Variants in ACER2 observed in about 807,000 individuals in gnomAD.
The protein encoded by ACER2 is alkCDase 2.
A neutral mutation model predicts 34.7 loss-of-function variants in ACER2; 26 were observed. The ratio of observed to expected loss-of-function variants is 0.75; its 90% confidence interval spans 0.55 to 1.04. ACER2 has a LOEUF of 1.04. ACER2 is among the 50% of genes least tolerant of loss of function. ACER2 has a pLI of 0.00. For missense variants in ACER2, 352 were observed against 340.8 expected (o/e 1.03, Z -0.26); for synonymous variants, 138 against 132.1 (o/e 1.04, Z -0.31).
intron 3 of ACER2, among the ~76,000 whole-genome samples, chr9:19,432,382 G>C (rs1452162286): frequency 6.6e-6 from 1 of 152,078 alleles, no homozygotes; most frequent in Non-Finnish European, 1.5e-5. Context: ...AGTTATACAT[G>C]TTCACTTTGT....
chr9:19,431,931 A>G (rs1830767005), intron 3 of ACER2, among the ~76,000 whole-genome samples: 1 of 152,246 alleles, frequency 6.6e-6, no homozygotes, highest in African/African-American at 2.4e-5. Flanking sequence ...GCTCTTGGCC[A>G]AAGTAAATTG....
intron 3 of ACER2, among the ~76,000 whole-genome samples, chr9:19,428,660 C>T (rs1209335893): frequency 1.3e-5 from 2 of 151,608 alleles, no homozygotes; most frequent in African/African-American, 4.8e-5. Flanking sequence ...AAGTATCTTC[C>T]TGATGGGATC....
chr9:19,442,691 A>G (rs10738537), intron 4 of ACER2, among the ~76,000 whole-genome samples: 152,400 of 152,400 alleles, frequency 1, 76,200 homozygotes, highest in Non-Finnish European at 1. Context: ...GGATGTTCAT[A>G]GATCCTCGTG....
At position 19,446,417 on chromosome 9, in the gene ACER2, T is replaced by C. The variant is rs773713290; in HGVS notation, c.640T>C (p.Trp214Arg). Residue 214 changes from tryptophan (W) to arginine (R), a missense_variant and splice_region_variant, in exon 5 of 6, where the codon TGG becomes CGG. Transcript: ENST00000340967. ...SFNFPYLHCMWHILICLAAYL... is the reference protein window; with the variant it reads ...SFNFPYLHCMRHILICLAAYL... Reference sequence around the variant, plus strand: ...CAACTTCCCCTACCTGCACTGCATGTGGTAAGCCCCTGCTAATGGGGAGGT... The same window carrying C: ...CAACTTCCCCTACCTGCACTGCATGCGGTAAGCCCCTGCTAATGGGGAGGT... 6.2e-7 allele frequency: 1 copy of C among 1,614,130 alleles called. No individual in the cohort carries two copies. The highest frequency in any genetic ancestry group is 1.7e-5 in the Admixed American group (1 of 60,014).
At chr9:19,423,822 C>G (rs773803012) in intron 1 of ACER2, 40 bp from the exon 2 acceptor site, 33 of 1,528,614 alleles carry the variant, frequency 2.2e-5, no homozygotes, top group Non-Finnish European at 2.8e-5. Flanking sequence ...GCCCTTTTTA[C>G]TTAATACTCA....
intron 1 of ACER2, among the ~76,000 whole-genome samples, chr9:19,412,531 G>A (rs1358142670): frequency 6.6e-6 from 1 of 151,804 alleles, no homozygotes; most frequent in Admixed American, 6.6e-5. Context: ...GTGCGTGCCT[G>A]TAAGTCCCCG....
At position 19,439,749 on chromosome 9, in the gene ACER2, C is replaced by T. The variant is rs528552926; in HGVS notation, c.503+4665C>T. Among the ~76,000 whole-genome samples the T allele has an allele frequency of 2.6e-5, 4 of 152,254 alleles. No individual in the cohort carries two copies. In the South Asian group the frequency reaches 6.2e-4, roughly 24 times the overall value. On this transcript the variant is annotated intron_variant, in intron 4 of 5. Transcript: ENST00000340967. ...TTGGGAGGCCGAGGAGGGTGGATCA[C>T]GAGGTCAGGAGTTCAAGACTAGCCT... is the stretch of plus-strand genomic sequence containing the variant.
chr9:19,420,798 C>T (rs1377384705), intron 1 of ACER2, among the ~76,000 whole-genome samples: 3 of 152,130 alleles, frequency 2.0e-5, no homozygotes, highest in Non-Finnish European at 4.4e-5. Flanking sequence ...GGGCTCCCTG[C>T]TTCAAAGACG....
chr9:19,428,457 C>A (rs1182465881), intron 3 of ACER2, among the ~76,000 whole-genome samples: 1 of 151,928 alleles, frequency 6.6e-6, no homozygotes, highest in African/African-American at 2.4e-5. Context: ...TATGAGCCAC[C>A]ATATCTGGCC....
chr9:19,435,353 CT>C (rs1388551631), intron 4 of ACER2, among the ~76,000 whole-genome samples: 1 of 152,270 alleles, frequency 6.6e-6, no homozygotes, highest in African/African-American at 2.4e-5. Flanking sequence ...CTAGATCAAG[CT>C]GTCTAGACTT....
At chr9:19,433,755 C>T (rs1044954473) in intron 3 of ACER2, among the ~76,000 whole-genome samples, 1 of 151,976 alleles carries the variant, frequency 6.6e-6, no homozygotes, top group Non-Finnish European at 1.5e-5. Flanking sequence ...CCCTCACCTC[C>T]CGGATGGGGC....
intron 4 of ACER2, 72 bp from the exon 5 acceptor site, chr9:19,446,207 GAC>G: frequency 6.2e-7 from 1 of 1,609,494 alleles, no homozygotes; most frequent in Non-Finnish European, 8.5e-7. Flanking sequence ...CAGCGAAGGA[GAC>G]ACAGGAAAGG....
chr9:19,433,149 C>CTTTT (rs57915019), intron 3 of ACER2, among the ~76,000 whole-genome samples: 57 of 61,362 alleles, frequency 9.3e-4, no homozygotes, highest in African/African-American at 1.6e-3. Flanking sequence ...GTGTGAGTGG[C>CTTTT]TTTTTTTTTT....
chr9:19,418,510 T>A (rs372404650), intron 1 of ACER2, among the ~76,000 whole-genome samples: 3 of 152,164 alleles, frequency 2.0e-5, no homozygotes, highest in Non-Finnish European at 4.4e-5. Context: ...TGGAATAGTA[T>A]GCAGCCACAA....
chr9:19,443,077 CTGG>C (rs1831211337), intron 4 of ACER2, among the ~76,000 whole-genome samples: 1 of 152,192 alleles, frequency 6.6e-6, no homozygotes, highest in African/African-American at 2.4e-5. Flanking sequence ...GTCGCCCAGG[CTGG>C]AGTGCAGTGG....
At chr9:19,449,121 C>A (rs1182467220) in intron 5 of ACER2, among the ~76,000 whole-genome samples, 1 of 152,156 alleles carries the variant, frequency 6.6e-6, no homozygotes, top group East Asian at 1.9e-4. Context: ...CAGAGTGAGA[C>A]CCCGTCTCCA....
At chr9:19,427,883 G>C (rs1457726637) in intron 3 of ACER2, among the ~76,000 whole-genome samples, 1 of 152,072 alleles carries the variant, frequency 6.6e-6, no homozygotes, top group African/African-American at 2.4e-5. Context: ...AGCCAGGATG[G>C]TCTCGATCTC....
At chr9:19,436,642 C>G (rs1445451754) in intron 4 of ACER2, among the ~76,000 whole-genome samples, 1 of 152,082 alleles carries the variant, frequency 6.6e-6, no homozygotes, top group African/African-American at 2.4e-5. Flanking sequence ...GTATTGTAGT[C>G]CTCCTTCTCT....
intron 1 of ACER2, 42 bp downstream of exon 1, chr9:19,409,234 A>T: frequency 1.3e-6 from 2 of 1,539,308 alleles, no homozygotes; most frequent in Non-Finnish European, 8.8e-7. Context: ...GGCCAGCGGG[A>T]GGGGGCTGTT....
Sources: gnomAD v4.1 joint callset for allele counts (sites outside exome capture counted in the v4.1 genomes callset) on GRCh38, gnomAD v4.1.1 for gene constraint, MANE v1.5 for transcripts, NCBI Gene and HGNC (gene_info 2026-07-23, HGNC 2026-07-21) for gene names.